NEO1: variants seen among roughly 807,000 people sequenced by gnomAD.
The protein encoded by NEO1 is neogenin 1.
In NEO1, 63 loss-of-function variants were observed where a neutral mutation model predicts 159.7. That is an observed-to-expected ratio of 0.39 (90% CI 0.32 to 0.49). The LOEUF is 0.49. Among genes scored for constraint, NEO1 ranks in the 20% least tolerant of loss-of-function variants. The pLI, the probability that NEO1 is intolerant of heterozygous loss-of-function variation, is 0.85. For synonymous variants in NEO1, 633 were observed against 662.0 expected (o/e 0.96, Z 0.67); for missense variants, 1,615 against 1,831.0 (o/e 0.88, Z 2.15).
At chr15:73,234,350 A>G (rs1213702702) in intron 7 of NEO1, among the ~76,000 whole-genome samples, 1 of 152,104 alleles carries the variant, frequency 6.6e-6, no homozygotes, top group Non-Finnish European at 1.5e-5. Flanking sequence ...CTCCCCCTCA[A>G]TCTGTTGTCT....
chr15:73,266,256 C>G, intron 15 of NEO1, 60 bp from the exon 16 acceptor site: 1 of 1,330,844 alleles, frequency 7.5e-7, no homozygotes, highest in East Asian at 2.4e-5. Context: ...GCACAGCCAC[C>G]CTTGAATTTT....
chr15:73,225,592 A>G (rs1355221813), intron 7 of NEO1, among the ~76,000 whole-genome samples: 1 of 152,058 alleles, frequency 6.6e-6, no homozygotes, highest in Non-Finnish European at 1.5e-5. Flanking sequence ...CCGCAGTCAC[A>G]GGCCTCACCC....
At chr15:73,168,735 T>C (rs1444514615) in intron 5 of NEO1, among the ~76,000 whole-genome samples, 3 of 152,168 alleles carry the variant, frequency 2.0e-5, no homozygotes, top group Non-Finnish European at 4.4e-5. Context: ...ATGGGAAGCT[T>C]TCTCAAGAAA....
At chr15:73,056,823 G>T (rs1343461313) in intron 1 of NEO1, among the ~76,000 whole-genome samples, 1 of 152,030 alleles carries the variant, frequency 6.6e-6, no homozygotes, top group Non-Finnish European at 1.5e-5. Flanking sequence ...GTCATCTTTG[G>T]AAAGATCTTT....
chr15:73,178,738 T>C (rs1187825442), intron 7 of NEO1, among the ~76,000 whole-genome samples: 1 of 152,162 alleles, frequency 6.6e-6, no homozygotes, highest in Non-Finnish European at 1.5e-5. Context: ...AAAGAAAAAC[T>C]TCTTTTTTTT....
chr15:73,111,989 A>G (rs1283788679), intron 1 of NEO1, among the ~76,000 whole-genome samples: 3 of 152,086 alleles, frequency 2.0e-5, no homozygotes, highest in Non-Finnish European at 2.9e-5. Flanking sequence ...TCATGGAACT[A>G]TTTTATCTGC....
intron 7 of NEO1, among the ~76,000 whole-genome samples, chr15:73,204,707 T>C (rs1050116500): frequency 2.0e-5 from 3 of 152,228 alleles, no homozygotes; most frequent in Non-Finnish European, 4.4e-5. Context: ...ATTCTAGTCA[T>C]AGTTATTTGA....
At chr15:73,226,795 A>G (rs952535089) in intron 7 of NEO1, among the ~76,000 whole-genome samples, 1 of 152,250 alleles carries the variant, frequency 6.6e-6, no homozygotes, top group Non-Finnish European at 1.5e-5. Flanking sequence ...AATATTTCCC[A>G]TGATACTTTC....
Position 73,289,483 on chromosome 15 carries a change from A to G in NEO1, c.3742+245A>G, listed in dbSNP as rs569055633. On this transcript the variant is annotated intron_variant, in intron 25 of 28. Coordinates refer to ENST00000261908, the MANE Select transcript of NEO1 (RefSeq NM_002499.4). ...AGCCAATGTCTCCAGATTCCCAGGA[A>G]TAGGGGAGTAACTAGTCTCCCTAAA... 2.6e-5 allele frequency among the ~76,000 whole-genome samples: 4 copies of G among 152,338 alleles called. No homozygotes were observed. In the East Asian group the frequency reaches 5.8e-4, roughly 22 times the overall value.
At chr15:73,066,925 A>T (rs1210669355) in intron 1 of NEO1, among the ~76,000 whole-genome samples, 1 of 152,142 alleles carries the variant, frequency 6.6e-6, no homozygotes, top group Non-Finnish European at 1.5e-5. Flanking sequence ...TTGGTTCCTC[A>T]ATTCCTCATT....
At chr15:73,234,878 C>T (rs2039090412) in intron 7 of NEO1, among the ~76,000 whole-genome samples, 1 of 152,174 alleles carries the variant, frequency 6.6e-6, no homozygotes, top group South Asian at 2.1e-4. Context: ...AATACCACTC[C>T]ACCACTCATT....
At chr15:73,274,876 A>G (rs1242827877) in intron 21 of NEO1, 152 bp downstream of exon 21, 10 of 720,568 alleles carry the variant, frequency 1.4e-5, no homozygotes, top group Admixed American at 1.2e-4. Context: ...AGTTGAGTCC[A>G]TGTTCTGAAA....
intron 4 of NEO1, among the ~76,000 whole-genome samples, chr15:73,128,222 A>G (rs1353529431): frequency 6.6e-6 from 1 of 151,276 alleles, no homozygotes; most frequent in Non-Finnish European, 1.5e-5. Flanking sequence ...TACATAAGCA[A>G]AGAATTTATA....
At chr15:73,129,247 A>T (rs1413996364) in intron 4 of NEO1, among the ~76,000 whole-genome samples, 1 of 152,212 alleles carries the variant, frequency 6.6e-6, no homozygotes, top group Non-Finnish European at 1.5e-5. Flanking sequence ...GGATGTATGT[A>T]ATTACCCAAA....
At chr15:73,056,662 G>C (rs2067710277) in intron 1 of NEO1, among the ~76,000 whole-genome samples, 1 of 151,862 alleles carries the variant, frequency 6.6e-6, no homozygotes, top group Admixed American at 6.6e-5. Context: ...GTGTGTGTGG[G>C]CCCCCCCTGC....
intron 11 of NEO1, 79 bp downstream of exon 11, chr15:73,249,800 G>A (rs1201912948): frequency 4.1e-6 from 6 of 1,450,892 alleles, no homozygotes; most frequent in Non-Finnish European, 5.5e-6. Context: ...GAGCTTTGAT[G>A]TCTAGAAGAT....
chr15:73,125,120 A>T (rs1056994605), intron 3 of NEO1, among the ~76,000 whole-genome samples: 1 of 152,194 alleles, frequency 6.6e-6, no homozygotes, highest in Non-Finnish European at 1.5e-5. Flanking sequence ...ACTACTCAAC[A>T]TCTGAAACGA....
At chr15:73,235,503 G>T (rs1471236948) in intron 7 of NEO1, among the ~76,000 whole-genome samples, 1 of 152,146 alleles carries the variant, frequency 6.6e-6, no homozygotes, top group Non-Finnish European at 1.5e-5. Context: ...TAGCAGCTTT[G>T]CCTCGCCACT....
In NEO1 at chr15:73,270,149, G is replaced by A. The variant is rs141951869; in HGVS notation, c.2634G>A (p.Ser878=). 496 of 1,614,070 alleles carry A rather than the reference G, an allele frequency of 3.1e-4. No homozygotes were observed. Among genetic ancestry groups the A allele is most frequent in the Middle Eastern group, 4.9e-4 (3 of 6,062 alleles). The change falls in exon 17 of 29, where the codon TCG becomes TCA. Residue 878 remains serine (S), a synonymous_variant. Transcript: ENST00000261908. ...TCAGGATTACGTGGGCAGACAACTCGCTGCCCAAGCACCAGAAGATTACAG... is the reference window on the plus strand; with the variant it reads ...TCAGGATTACGTGGGCAGACAACTCACTGCCCAAGCACCAGAAGATTACAG... ...DTIRITWADN[S]LPKHQKITDS...
Sources: gnomAD v4.1 joint callset for allele counts (sites outside exome capture counted in the v4.1 genomes callset) on GRCh38, gnomAD v4.1.1 for gene constraint, MANE v1.5 for transcripts, NCBI Gene and HGNC (gene_info 2026-07-23, HGNC 2026-07-21) for gene names.